The following NEMP2 variants were observed in gnomAD, a reference collection of about 807,000 sequenced individuals.
NEMP2 encodes the protein UPF0571 transmembrane protein.
Under a neutral mutation model 54.2 loss-of-function variants are expected in NEMP2, and 53 were observed. That is an observed-to-expected ratio of 0.98 (90% CI 0.78 to 1.23). The LOEUF (loss-of-function observed/expected upper bound fraction) is 1.23, where lower values mean the gene tolerates loss of function less well. Ranked by LOEUF, NEMP2 falls within the 50% of genes most tolerant of loss-of-function variation. The probability of loss-of-function intolerance (pLI) is 0.00; values close to 1 mark genes in which losing one functional copy is unlikely to be tolerated. For synonymous variants in NEMP2, 197 were observed against 190.3 expected (o/e 1.04, Z -0.29); for missense variants, 455 against 511.3 (o/e 0.89, Z 1.06).
Position 190,504,803 on chromosome 2 carries a change from T to C in NEMP2, c.*4386A>G, listed in dbSNP as rs147214582. On this transcript the variant is annotated 3_prime_UTR_variant, in exon 9 of 9. Coordinates refer to ENST00000409150, the MANE Select transcript of NEMP2 (RefSeq NM_001142645.2). The surrounding 1 kb of genome is among the most constrained non-coding windows in gnomAD (Gnocchi z 5.6). ...AAAGATCACTGGCATCTTAGAAAAA[T>C]AACATGTAGACCAGTGCTACTCAAA... The C allele has an allele frequency of 1.3e-5, 2 of 152,244 alleles. No individual in the cohort carries two copies. Among genetic ancestry groups the C allele is most frequent in the Admixed American group, 1.3e-4 (2 of 15,290 alleles). The allele number at this position is 152,244 out of a possible 1,614,324, so 9.4% of individuals were successfully genotyped here. A position where few individuals can be genotyped will look rare whatever the true frequency, so the allele number is the denominator to read the frequency against.
rs973446150 is a variant in NEMP2, at chr2:190,521,991, G to A, written c.214-2808C>T. ...GGCACCATCTATATAAATATGCATC[G>A]CTAATTACTTTGCAAAAAAAGACAC... is the stretch of plus-strand genomic sequence containing the variant. On this transcript the variant is annotated intron_variant, in intron 2 of 8. Transcript: ENST00000409150. This position sits in a 1 kb window ranked among gnomAD's most constrained non-coding sequence, Gnocchi z 6.2. Among the ~76,000 whole-genome samples the A allele has an allele frequency of 3.3e-5, 5 of 151,968 alleles. No individual in the cohort carries two copies. The highest frequency in any genetic ancestry group is 5.9e-5 in the Non-Finnish European group (4 of 68,020).
chr2:190,453,033 T>C, the NEMP2 span, among the ~76,000 whole-genome samples: 1 of 152,150 alleles, frequency 6.6e-6, no homozygotes, highest in Admixed American at 6.6e-5. Flanking sequence ...GACAGACATA[T>C]TCCTGTGTCA....
the NEMP2 span, among the ~76,000 whole-genome samples, chr2:190,585,370 G>A: frequency 6.6e-6 from 1 of 152,166 alleles, no homozygotes; most frequent in African/African-American, 2.4e-5. The surrounding 1 kb of genome is among the most constrained non-coding windows in gnomAD (Gnocchi z 5.3). Flanking sequence ...TCCAGGATTT[G>A]AATATGTTCT....
chr2:190,505,713 C>T lies in NEMP2; in HGVS notation c.*3476G>A, dbSNP rs1690170875. Reference sequence around the variant, plus strand: ...AGAAAGACTAAAGATTTTAACACATCTGAGTAAAAATATGCCCATCAGAGG... The same window carrying T: ...AGAAAGACTAAAGATTTTAACACATTTGAGTAAAAATATGCCCATCAGAGG... On this transcript the variant is annotated 3_prime_UTR_variant, in exon 9 of 9. Transcript: ENST00000409150. The surrounding 1 kb of genome is among the most constrained non-coding windows in gnomAD (Gnocchi z 5.8). 6.6e-6 allele frequency: 1 copy of T among 152,124 alleles called. No homozygotes were observed. The highest frequency in any genetic ancestry group is 2.1e-4 in the South Asian group (1 of 4,830). The allele number at this position is 152,124 out of a possible 1,614,324, so 9.4% of individuals were successfully genotyped here. A position where few individuals can be genotyped will look rare whatever the true frequency, so the allele number is the denominator to read the frequency against.
rs995879902 is a variant in NEMP2 at position 190,530,648 on chromosome 2, G to T, written c.97+3911C>A. 6.6e-6 allele frequency among the ~76,000 whole-genome samples: 1 copy of T among 152,120 alleles called. No homozygotes were observed. Among genetic ancestry groups the T allele is most frequent in the Non-Finnish European group, 1.5e-5 (1 of 68,020 alleles). ...CTCCCTTTAGCAATCTTCTTCTAGA[G>T]CCATTTCACTGCTCGGTTTCAATCA... On this transcript the variant is annotated intron_variant, in intron 1 of 8. Coordinates refer to ENST00000409150, the MANE Select transcript of NEMP2 (RefSeq NM_001142645.2). The surrounding 1 kb of genome is among the most constrained non-coding windows in gnomAD (Gnocchi z 4.6).
At chr2:190,442,739 G>A in the NEMP2 span, 1 of 152,142 alleles carries the variant, frequency 6.6e-6, no homozygotes, top group Non-Finnish European at 1.5e-5. Context: ...GGGTGGGGGT[G>A]TGATTGTTTG....
the NEMP2 span, among the ~76,000 whole-genome samples, chr2:190,623,231 G>A: frequency 6.6e-6 from 1 of 152,112 alleles, no homozygotes; most frequent in Non-Finnish European, 1.5e-5. Flanking sequence ...TCATTAAAAT[G>A]ACCATACCGC....
At position 190,530,709 on chromosome 2, in the gene NEMP2, T is replaced by G. The variant is rs959026181; in HGVS notation, c.97+3850A>C. On this transcript the variant is annotated intron_variant, in intron 1 of 8. Transcript: ENST00000409150. The surrounding 1 kb of genome is among the most constrained non-coding windows in gnomAD (Gnocchi z 4.6). ...AAACAGGAAACAGAGCCAGTTTGAC[T>G]GCTTATTTGAACTCTATGGCTGATT... Among the ~76,000 whole-genome samples, 27 of 152,266 alleles carry G rather than the reference T, an allele frequency of 1.8e-4. No individual in the cohort carries two copies. Among genetic ancestry groups the G allele is most frequent in the African/African-American group, 6.0e-4 (25 of 41,468 alleles).
Position 190,509,048 on chromosome 2 carries a change from T to C in NEMP2, c.*141A>G, listed in dbSNP as rs1232472644. The C allele has an allele frequency of 1.5e-5, 20 of 1,336,174 alleles. No individual in the cohort carries two copies. Among genetic ancestry groups the C allele is most frequent in the Non-Finnish European group, 2.0e-5 (20 of 1,004,886 alleles). The allele number at this position is 1,336,174 out of a possible 1,614,324, so 82.8% of individuals were successfully genotyped here. A position where few individuals can be genotyped will look rare whatever the true frequency, so the allele number is the denominator to read the frequency against. On this transcript the variant is annotated 3_prime_UTR_variant, in exon 9 of 9. Coordinates refer to ENST00000409150, the MANE Select transcript of NEMP2 (RefSeq NM_001142645.2). The surrounding 1 kb of genome is among the most constrained non-coding windows in gnomAD (Gnocchi z 6.1). ...AAGTTATCTTCAAAATGGGTTGGTT[T>C]CCCTTTCCAGACTGACTTGTTTTTC...
the NEMP2 span, among the ~76,000 whole-genome samples, chr2:190,425,032 T>A: frequency 1.3e-5 from 2 of 152,246 alleles, no homozygotes; most frequent in Non-Finnish European, 2.9e-5. The surrounding 1 kb of genome is among the most constrained non-coding windows in gnomAD (Gnocchi z 4.3). Context: ...ATTTCTTTCA[T>A]CAGCATTTTA....
the NEMP2 span, among the ~76,000 whole-genome samples, chr2:190,603,569 A>C: frequency 1.4e-5 from 2 of 146,330 alleles, no homozygotes; most frequent in Non-Finnish European, 3.0e-5. Flanking sequence ...CTCCTGGGGC[A>C]GTGTCTGGCA....
chr2:190,437,693 TTC>T, the NEMP2 span: 1 of 1,089,002 alleles, frequency 9.2e-7, no homozygotes, highest in African/African-American at 1.6e-5. This position sits in a 1 kb window ranked among gnomAD's most constrained non-coding sequence, Gnocchi z 5.9. Flanking sequence ...AAATGGGGAT[TTC>T]TGTTTCTTTT....
the NEMP2 span, among the ~76,000 whole-genome samples, chr2:190,448,236 G>C: frequency 2.0e-5 from 3 of 152,134 alleles, no homozygotes; most frequent in Admixed American, 1.3e-4. Flanking sequence ...CCACTGTGGA[G>C]ACCAATTTAG....
chr2:190,537,405 T>C (rs1367792858), upstream of NEMP2, among the ~76,000 whole-genome samples: 1 of 152,208 alleles, frequency 6.6e-6, no homozygotes, highest in Non-Finnish European at 1.5e-5. Context: ...ATTCTTATGC[T>C]AGTGAGTGAG....
At chr2:190,629,105 T>C in the NEMP2 span, among the ~76,000 whole-genome samples, 1 of 152,188 alleles carries the variant, frequency 6.6e-6, no homozygotes, top group Admixed American at 6.5e-5. Flanking sequence ...CCCTGCTCAC[T>C]AACTCCTCCT....
chr2:190,545,709 TG>T, the NEMP2 span, among the ~76,000 whole-genome samples: 1 of 152,316 alleles, frequency 6.6e-6, no homozygotes, highest in East Asian at 1.9e-4. Context: ...AAGGGGTGGG[TG>T]GAGGTTGGGG....
chr2:190,471,466 C>A, the NEMP2 span, among the ~76,000 whole-genome samples: 1 of 152,198 alleles, frequency 6.6e-6, no homozygotes, highest in South Asian at 2.1e-4. The surrounding 1 kb of genome is among the most constrained non-coding windows in gnomAD (Gnocchi z 4.7). Flanking sequence ...CTTGGAGGGT[C>A]CTACGCCCAC....
chr2:190,429,046 G>A, the NEMP2 span, among the ~76,000 whole-genome samples: 865 of 152,112 alleles, frequency 5.7e-3, 11 homozygotes, highest in African/African-American at 0.02. Flanking sequence ...TTTCACTGGC[G>A]ATTAATCAAG....
At chr2:190,628,968 C>G in the NEMP2 span, among the ~76,000 whole-genome samples, 1 of 152,308 alleles carries the variant, frequency 6.6e-6, no homozygotes, top group African/African-American at 2.4e-5. The surrounding 1 kb of genome is among the most constrained non-coding windows in gnomAD (Gnocchi z 4.1). Context: ...TTGAGTTTAA[C>G]TATCCAAAAT....
Sources: gnomAD v4.1 joint callset for allele counts (sites outside exome capture counted in the v4.1 genomes callset) on GRCh38, gnomAD v4.1.1 for gene constraint, Gnocchi (gnomAD v3.1) non-coding constraint, MANE v1.5 for transcripts, NCBI Gene and HGNC (gene_info 2026-07-23, HGNC 2026-07-21) for gene names.